The following RIOK3 variants were observed in gnomAD, a reference collection of about 807,000 sequenced individuals.
RIOK3 encodes the protein RIO kinase 3.
Under a neutral mutation model 63.5 loss-of-function variants are expected in RIOK3, and 40 were observed. The observed-to-expected ratio is 0.63, with a 90% confidence interval of 0.49 to 0.82. The LOEUF is 0.82. RIOK3 is among the 40% of genes least tolerant of loss of function. The pLI, the probability that RIOK3 is intolerant of heterozygous loss-of-function variation, is 0.00. For missense variants in RIOK3, 557 were observed against 637.0 expected, an observed-to-expected ratio of 0.87 and a Z score of 1.35; for synonymous variants, 193 against 205.0, an observed-to-expected ratio of 0.94 and a Z score of 0.50.
chr18:23,463,338 T>C, intron 2 of RIOK3: 1 of 294,286 alleles, frequency 3.4e-6, no homozygotes, highest in Non-Finnish European at 6.2e-6. Flanking sequence ...TTTGATCAAG[T>C]GTTTGTAGTT....
At chr18:23,455,640 C>G (rs1476059964) in intron 1 of RIOK3, among the ~76,000 whole-genome samples, 1 of 151,728 alleles carries the variant, frequency 6.6e-6, no homozygotes, top group Non-Finnish European at 1.5e-5. Context: ...ATCCGCCCAC[C>G]TTGGCCTCTT....
At chr18:23,464,452 C>A in intron 4 of RIOK3, 67 bp from the exon 5 acceptor site, 1 of 1,220,688 alleles carries the variant, frequency 8.2e-7, no homozygotes, top group Non-Finnish European at 1.2e-6. Flanking sequence ...TCTTTTCAGA[C>A]AACGTTGAAT....
At chr18:23,453,975 C>G (rs2057321885) in intron 1 of RIOK3, among the ~76,000 whole-genome samples, 1 of 152,186 alleles carries the variant, frequency 6.6e-6, no homozygotes, top group Non-Finnish European at 1.5e-5. Flanking sequence ...AGATAAAACC[C>G]AGGCGCACCC....
chr18:23,463,251 A>G, intron 2 of RIOK3, 172 bp downstream of exon 2: 1 of 503,256 alleles, frequency 2.0e-6, no homozygotes, highest in Non-Finnish European at 3.5e-6. Flanking sequence ...TTTCATTATT[A>G]TCTTGGACAA....
At position 23,464,112 on chromosome 18, in the gene RIOK3, G is replaced by T; in HGVS notation, c.325G>T (p.Val109Phe). 4 of 1,610,174 alleles carry T rather than the reference G, an allele frequency of 2.5e-6. No homozygotes were observed. Among genetic ancestry groups the T allele is most frequent in the South Asian group, 1.1e-5 (1 of 90,430 alleles). Residue 109 changes from valine to phenylalanine, a missense_variant and splice_region_variant, in exon 3 of 13, where the codon GTT becomes TTT. Val to Phe is a conservative substitution (Grantham distance 50). Around this residue, in one of 3 missense-constraint regions of RIOK3, gnomAD observed 243 missense variants for 275.4 expected, o/e 0.88. Transcript: ENST00000339486. The part of the protein sequence containing the change: ...EEKKFNGDSK[V>F]SISFENYRKV... ...AAAAAAATTCAATGGAGATAGCAAAGGTATTATAACCTTATTGTGACAACT... is the reference window on the plus strand; with the variant it reads ...AAAAAAATTCAATGGAGATAGCAAATGTATTATAACCTTATTGTGACAACT...
intron 9 of RIOK3, among the ~76,000 whole-genome samples, chr18:23,476,538 T>C (rs2057492075): frequency 2.0e-5 from 3 of 151,920 alleles, no homozygotes; most frequent in Non-Finnish European, 2.9e-5. Context: ...GGGGAAGAGA[T>C]TAAATAGTGA....
intron 7 of RIOK3, 43 bp downstream of exon 7, chr18:23,467,569 T>G (rs1568383564): frequency 1.3e-6 from 2 of 1,576,624 alleles, no homozygotes; most frequent in Non-Finnish European, 1.7e-6. Context: ...AAACTTAGTC[T>G]CTTCTCCCCA....
rs2057315548 is a variant in RIOK3 at position 23,453,349 on chromosome 18, A to G, written c.-91A>G. The G allele has an allele frequency of 2.8e-6, 3 of 1,067,634 alleles. No homozygotes were observed. The highest frequency in any genetic ancestry group is 4.3e-6 in the Non-Finnish European group (3 of 691,928). The allele number at this position is 1,067,634 out of a possible 1,614,324, so 66.1% of individuals were successfully genotyped here. On this transcript the variant is annotated 5_prime_UTR_variant, in exon 1 of 13. Coordinates refer to ENST00000339486, the MANE Select transcript of RIOK3 (RefSeq NM_003831.5). ...CACCTCCACTCCGGCATCAGCAGCCAGTCGCCCGTGTCCCGCCTGTCTCCT... is the reference window on the plus strand; with the variant it reads ...CACCTCCACTCCGGCATCAGCAGCCGGTCGCCCGTGTCCCGCCTGTCTCCT...
intron 1 of RIOK3, among the ~76,000 whole-genome samples, chr18:23,461,909 G>A (rs111771846): frequency 6.6e-6 from 1 of 151,626 alleles, no homozygotes; most frequent in African/African-American, 2.4e-5. Context: ...AGACAACTTG[G>A]CAAAACCCTA....
Position 23,464,543 on chromosome 18 carries a change from A to G in RIOK3, c.458A>G (p.Lys153Arg). 1.2e-6 allele frequency: 2 copies of G among 1,604,992 alleles called. No homozygotes were observed. Among genetic ancestry groups the G allele is most frequent in the Non-Finnish European group, 1.7e-6 (2 of 1,177,574 alleles). Reference sequence around the variant, plus strand: ...GCAAAACCGGTTCCCACTCCTAAAAAGGGCTTTATTGGAAAAGGAAAAGAT... The same window carrying G: ...GCAAAACCGGTTCCCACTCCTAAAAGGGGCTTTATTGGAAAAGGAAAAGAT... ...RPAKPVPTPK[K>R]GFIGKGKDIT... is the part of the protein sequence containing the mutation. The change falls in exon 5 of 13, where the codon AAG (lysine) becomes AGG (arginine). Residue 153 changes from lysine (K) to arginine (R), a missense_variant. Lys to Arg is a conservative substitution (Grantham distance 26). Transcript: ENST00000339486.
rs1032116364 is a variant in RIOK3, at chr18:23,482,229, G to C, written c.*950G>C. 1 of 152,090 alleles carries C rather than the reference G, an allele frequency of 6.6e-6. No individual in the cohort carries two copies. The highest frequency in any genetic ancestry group is 2.4e-5 in the African/African-American group (1 of 41,408). The allele number at this position is 152,090 out of a possible 1,614,324, so 9.4% of individuals were successfully genotyped here. A position where few individuals can be genotyped will look rare whatever the true frequency, so the allele number is the denominator to read the frequency against. Reference sequence around the variant, plus strand: ...AAGGTATATATAAAACAATTTGGGGGCCAGGCACGATGGCTCAAACCTGTA... The same window carrying C: ...AAGGTATATATAAAACAATTTGGGGCCCAGGCACGATGGCTCAAACCTGTA... On this transcript the variant is annotated 3_prime_UTR_variant, in exon 13 of 13. Transcript: ENST00000339486.
chr18:23,476,452 TTCTC>T (rs2057491599), intron 9 of RIOK3, among the ~76,000 whole-genome samples: 1 of 152,186 alleles, frequency 6.6e-6, no homozygotes, highest in Non-Finnish European at 1.5e-5. Flanking sequence ...TGATCCACCT[TTCTC>T]TGCCTCCAAA....
At position 23,466,119 on chromosome 18, in the gene RIOK3, C is replaced by T. The variant is rs2057405349; in HGVS notation, c.544-14C>T. The stretch of plus-strand genomic sequence containing the variant: ...ATTTTAAAATATTTAGATGCTAATT[C>T]TTCCTTTTGGCAGTTTGCACCTGAG... On this transcript the variant is annotated splice_polypyrimidine_tract_variant and intron_variant, in intron 5 of 12. Coordinates refer to ENST00000339486, the MANE Select transcript of RIOK3 (RefSeq NM_003831.5). The T allele has an allele frequency of 6.4e-7, 1 of 1,558,094 alleles. No homozygotes were observed. The highest frequency in any genetic ancestry group is 1.2e-5 in the South Asian group (1 of 80,610).
intron 12 of RIOK3, among the ~76,000 whole-genome samples, chr18:23,480,814 C>T (rs1042391100): frequency 1.8e-4 from 28 of 152,036 alleles, no homozygotes; most frequent in Admixed American, 1.4e-3. Flanking sequence ...TGGCTGGACA[C>T]GGTGGCTCAC....
rs770008294 is a variant in RIOK3 at position 23,466,285 on chromosome 18, T to TCA, written c.687+9_687+10insCA. On this transcript the variant is annotated intron_variant, in intron 6 of 12. Transcript: ENST00000339486. ...AGGAGCATTCTACAGCAGTAAGGATTTATAGATTTTTTTTTTTCTTTTTTA... is the reference window on the plus strand; with the variant it reads ...AGGAGCATTCTACAGCAGTAAGGATTCATATAGATTTTTTTTTTTCTTTTTTA... 14 of 1,541,872 alleles carry TCA rather than the reference T, an allele frequency of 9.1e-6. No individual in the cohort carries two copies. Among genetic ancestry groups the TCA allele is most frequent in the Admixed American group, 2.3e-5 (1 of 44,118 alleles).
chr18:23,469,359 C>CCCTCTT (rs2057436024), intron 7 of RIOK3, among the ~76,000 whole-genome samples: 1 of 1,516 alleles, frequency 6.6e-4, no homozygotes, highest in African/African-American at 2.3e-3. Flanking sequence ...CCCTCTCTCC[C>CCCTCTT]TCCCTCCCTC....
At chr18:23,455,558 A>AT (rs1404650927) in intron 1 of RIOK3, among the ~76,000 whole-genome samples, 1 of 151,046 alleles carries the variant, frequency 6.6e-6, no homozygotes, top group Non-Finnish European at 1.5e-5. Context: ...CACCCGGCTA[A>AT]TTTTTTGTAT....
At chr18:23,474,825 C>T in intron 8 of RIOK3, 123 bp from the exon 9 acceptor site, 3 of 680,698 alleles carry the variant, frequency 4.4e-6, no homozygotes, top group South Asian at 4.1e-5. Context: ...CTTTGTATTC[C>T]CACATCACCA....
chr18:23,475,681 A>G (rs114953206), intron 9 of RIOK3, among the ~76,000 whole-genome samples: 133 of 152,264 alleles, frequency 8.7e-4, no homozygotes, highest in African/African-American at 3.0e-3. Flanking sequence ...TGCTATTTCA[A>G]GGTGCTATAA....
Sources: allele counts gnomAD v4.1 joint callset (sites outside exome capture counted in the v4.1 genomes callset), GRCh38; gene constraint gnomAD v4.1.1; regional missense constraint gnomAD v4.1.1; transcripts MANE v1.5; gene names NCBI Gene and HGNC (gene_info 2026-07-23, HGNC 2026-07-21).